Variants in GALNT17 observed in about 807,000 individuals in gnomAD.
GALNT17 encodes the protein polypeptide N-acetylgalactosaminyltransferase 17.
GALNT17 carries 29 observed loss-of-function variants against 63.7 expected under a neutral mutation model. That is an observed-to-expected ratio of 0.46 (90% CI 0.34 to 0.62). GALNT17 has a LOEUF of 0.62. Among genes scored for constraint, GALNT17 ranks in the 20% least tolerant of loss-of-function variants. The pLI is 0.01. For synonymous variants in GALNT17, 305 were observed against 318.3 expected (o/e 0.96, Z 0.45); for missense variants, 603 against 799.6 (o/e 0.75, Z 2.97).
chr7:71,644,036 G>A (rs1307664918), intron 6 of GALNT17, among the ~76,000 whole-genome samples: 1 of 152,082 alleles, frequency 6.6e-6, no homozygotes, highest in Non-Finnish European at 1.5e-5. Context: ...AGTATTGGTT[G>A]GTCATAACCT....
At position 71,132,895 on chromosome 7, in the gene GALNT17, C is replaced by A. The variant is rs776960588; in HGVS notation, c.93C>A (p.Ile31=). 2 of 1,612,976 alleles carry A rather than the reference C, an allele frequency of 1.2e-6. No homozygotes were observed. Among genetic ancestry groups the A allele is most frequent in the East Asian group, 2.2e-5 (1 of 44,800 alleles). The stretch of plus-strand genomic sequence containing the variant: ...TCTTCCTGGCCAAGTGCCGGCCCAT[C>A]GCGGTGCGCAGCGGAGACGCCTTCC... ...FVLFLAKCRP[I]AVRSGDAFHE... The change falls in exon 1 of 11, where the codon ATC becomes ATA. Residue 31 remains isoleucine, a synonymous_variant. Coordinates refer to ENST00000333538, the MANE Select transcript of GALNT17 (RefSeq NM_022479.3).
At chr7:71,164,431 C>A (rs1788399551) in intron 1 of GALNT17, among the ~76,000 whole-genome samples, 1 of 152,154 alleles carries the variant, frequency 6.6e-6, no homozygotes, top group Non-Finnish European at 1.5e-5. Flanking sequence ...AGAAGTCCAC[C>A]CCCATGATCG....
intron 5 of GALNT17, among the ~76,000 whole-genome samples, chr7:71,427,107 T>C (rs111564583): frequency 0.027 from 3,904 of 145,340 alleles, 85 homozygotes; most frequent in African/African-American, 0.065. Context: ...TGAGATGGAG[T>C]CTTGCTCTGT....
At chr7:71,514,336 GCCAGGTGAAAGGTAAGGTACCCTTA>G (rs1272629051) in intron 5 of GALNT17, among the ~76,000 whole-genome samples, 1 of 152,114 alleles carries the variant, frequency 6.6e-6, no homozygotes, top group African/African-American at 2.4e-5. Context: ...GTAGACGCTA[GCCAGGTGAAAGGTAAGGTACCCTTA>G]CCAGGTGAAA....
At chr7:71,490,944 A>T (rs943385650) in intron 5 of GALNT17, among the ~76,000 whole-genome samples, 1 of 152,048 alleles carries the variant, frequency 6.6e-6, no homozygotes, top group African/African-American at 2.4e-5. Context: ...CTGTAATCCC[A>T]GCACTTTGGG....
chr7:71,518,004 G>T (rs574275976), intron 5 of GALNT17, among the ~76,000 whole-genome samples: 1 of 152,168 alleles, frequency 6.6e-6, no homozygotes, highest in South Asian at 2.1e-4. Flanking sequence ...AAGGCCCCTG[G>T]GGGAGACAGC....
chr7:71,316,243 G>GATCTGTGGGTCTGATCAGGATCCTC (rs1791497217), intron 1 of GALNT17, among the ~76,000 whole-genome samples: 1 of 136,706 alleles, frequency 7.3e-6, no homozygotes, highest in Non-Finnish European at 1.5e-5. Context: ...TCAGGATCCT[G>GATCTGTGGGTCTGATCAGGATCCTC]ATCTGTGGGT....
intron 6 of GALNT17, among the ~76,000 whole-genome samples, chr7:71,652,090 A>G (rs1790761929): frequency 6.6e-6 from 1 of 152,118 alleles, no homozygotes; most frequent in Non-Finnish European, 1.5e-5. Context: ...AAAAGAAAAA[A>G]GTCCTCCCAG....
At chr7:71,453,114 C>A (rs1050510160) in intron 5 of GALNT17, among the ~76,000 whole-genome samples, 75 of 152,272 alleles carry the variant, frequency 4.9e-4, no homozygotes, top group Non-Finnish European at 9.4e-4. Context: ...CATAAGTACC[C>A]TGCCTGGAAT....
intron 1 of GALNT17, among the ~76,000 whole-genome samples, chr7:71,134,505 A>T (rs1422822431): frequency 6.6e-6 from 1 of 152,134 alleles, no homozygotes; most frequent in Non-Finnish European, 1.5e-5. Context: ...ATCTCTGAGC[A>T]GGTGAAAGGA....
At chr7:71,434,220 G>C (rs1299735564) in intron 5 of GALNT17, among the ~76,000 whole-genome samples, 1 of 152,140 alleles carries the variant, frequency 6.6e-6, no homozygotes, top group East Asian at 1.9e-4. Flanking sequence ...TTCACCTTGT[G>C]ATCATGTGAG....
At chr7:71,487,137 T>C (rs1787925081) in intron 5 of GALNT17, among the ~76,000 whole-genome samples, 1 of 152,164 alleles carries the variant, frequency 6.6e-6, no homozygotes, top group Non-Finnish European at 1.5e-5. Flanking sequence ...TGGAATTGCA[T>C]CATTTTTCAG....
chr7:71,326,348 C>T (rs775425339), intron 1 of GALNT17, among the ~76,000 whole-genome samples: 3 of 152,068 alleles, frequency 2.0e-5, no homozygotes, highest in Admixed American at 6.6e-5. Context: ...TTCCTAGCTT[C>T]GCAGGAGGCT....
chr7:71,314,947 A>T lies in GALNT17; in HGVS notation c.239-20603A>T, dbSNP rs888919608. Among the ~76,000 whole-genome samples, 7 of 152,114 alleles carry T rather than the reference A, an allele frequency of 4.6e-5. No homozygotes were observed. In the East Asian group the frequency reaches 1.2e-3, roughly 25 times the overall value. ...CAAAAACAACATCAAAATTCACCTT[A>T]AAAAAGTCTACAGTTCACCACTGTC... On this transcript the variant is annotated intron_variant, in intron 1 of 10. Transcript: ENST00000333538.
intron 1 of GALNT17, among the ~76,000 whole-genome samples, chr7:71,318,360 C>G (rs1020189559): frequency 6.6e-6 from 1 of 151,802 alleles, no homozygotes. Flanking sequence ...TCATCTGTCA[C>G]CAGAAAGAAG....
intron 5 of GALNT17, among the ~76,000 whole-genome samples, chr7:71,425,745 CA>C (rs1786748331): frequency 6.6e-6 from 1 of 151,932 alleles, no homozygotes; most frequent in South Asian, 2.1e-4. Context: ...CTTACACCGG[CA>C]GTGGGCACCT....
chr7:71,172,584 C>T (rs1158722329), intron 1 of GALNT17, among the ~76,000 whole-genome samples: 1 of 152,066 alleles, frequency 6.6e-6, no homozygotes, highest in Non-Finnish European at 1.5e-5. Context: ...ATCCCCAGAG[C>T]AATGGATAGA....
At chr7:71,136,117 G>A (rs561791402) in intron 1 of GALNT17, among the ~76,000 whole-genome samples, 46 of 152,224 alleles carry the variant, frequency 3.0e-4, no homozygotes, top group African/African-American at 1.0e-3. Flanking sequence ...ATCCTCTGCC[G>A]GTGCTTGTTT....
rs1563001220 is a variant in GALNT17 at position 71,321,922 on chromosome 7, C to CCTTCCTTCCCCTCCCTCCCT, written c.239-13627_239-13626insTTCCTTCCCCTCCCTCCCTC. Among the ~76,000 whole-genome samples the CCTTCCTTCCCCTCCCTCCCT allele has an allele frequency of 6.9e-3, 195 of 28,460 alleles. 1 individual carries two copies. The highest frequency in any genetic ancestry group is 0.011 in the Non-Finnish European group (160 of 14,876). 18.7% of individuals were successfully genotyped at this position (28,460 alleles called of 152,430 possible). A position where few individuals can be genotyped will look rare whatever the true frequency, so the allele number is the denominator to read the frequency against. On this transcript the variant is annotated intron_variant, in intron 1 of 10. Transcript: ENST00000333538. Reference sequence around the variant, plus strand: ...TCCTTCCTTCCTTCCTTCCTTCCTTCCCCTCCCTCCCTCCCTCCCTCCCTT... The same window carrying CCTTCCTTCCCCTCCCTCCCT: ...TCCTTCCTTCCTTCCTTCCTTCCTTCCTTCCTTCCCCTCCCTCCCTCCCTCCCTCCCTCCCTCCCTCCCTT...
Sources: gnomAD v4.1 joint callset for allele counts (sites outside exome capture counted in the v4.1 genomes callset) on GRCh38, gnomAD v4.1.1 for gene constraint, MANE v1.5 for transcripts, NCBI Gene and HGNC (gene_info 2026-07-23, HGNC 2026-07-21) for gene names.